Variants in TATDN3 observed in about 807,000 individuals in gnomAD.
TATDN3 encodes TatD DNase domain containing 3, also known as deoxyribonuclease TATDN3.
In TATDN3, 29 loss-of-function variants were observed where a neutral mutation model predicts 40.1. The observed-to-expected ratio is 0.72, with a 90% CI of 0.54 to 0.99. TATDN3 has a LOEUF of 0.99. TATDN3 is among the 50% of genes least tolerant of loss of function. The pLI, the probability that TATDN3 is intolerant of heterozygous loss-of-function variation, is 0.00. For missense variants in TATDN3, 309 were observed against 321.9 expected (o/e 0.96, Z 0.31); for synonymous variants, 105 against 117.0 (o/e 0.90, Z 0.66).
At position 212,816,606 on chromosome 1, in the gene TATDN3, A is replaced by T. The variant is rs1663198900; in HGVS notation, c.*1450A>T. The T allele has an allele frequency of 6.6e-6, 1 of 152,234 alleles. No homozygotes were observed. Among genetic ancestry groups the T allele is most frequent in the Non-Finnish European group, 1.5e-5 (1 of 68,032 alleles). 9.4% of individuals were successfully genotyped at this position (152,234 alleles called of 1,614,324 possible). A position where few individuals can be genotyped will look rare whatever the true frequency, so the allele number is the denominator to read the frequency against. ...AAAAGTACCTGTCATAGAAAAAAATAAACTTCCTAAATCAAAGTGATTTTA... is the reference window on the plus strand; with the variant it reads ...AAAAGTACCTGTCATAGAAAAAAATTAACTTCCTAAATCAAAGTGATTTTA... On this transcript the variant is annotated 3_prime_UTR_variant, in exon 10 of 10. Coordinates refer to ENST00000366974, the MANE Select transcript of TATDN3 (RefSeq NM_001042552.3).
intron 5 of TATDN3, among the ~76,000 whole-genome samples, chr1:212,803,476 G>A (rs1271631472): frequency 6.6e-6 from 1 of 151,984 alleles, no homozygotes; most frequent in South Asian, 2.1e-4. Context: ...GAGCAATCGT[G>A]CCCGGCCAAT....
At chr1:212,802,881 A>T (rs1382211621) in intron 5 of TATDN3, 118 bp downstream of exon 5, 1 of 631,430 alleles carries the variant, frequency 1.6e-6, no homozygotes, top group Non-Finnish European at 2.7e-6. Flanking sequence ...TGTTCACCCC[A>T]CTTAGCCAAA....
At chr1:212,802,024 A>G (rs1251078772) in intron 4 of TATDN3, among the ~76,000 whole-genome samples, 7 of 152,214 alleles carry the variant, frequency 4.6e-5, no homozygotes. Context: ...TTTGCAATGT[A>G]GTCTAAAAGG....
chr1:212,806,781 T>TACACAC (rs1180617292), intron 7 of TATDN3, among the ~76,000 whole-genome samples: 1 of 94,442 alleles, frequency 1.1e-5, no homozygotes, highest in Admixed American at 1.3e-4. Flanking sequence ...TATATATATA[T>TACACAC]ATACACACAC....
Position 212,807,834 on chromosome 1 carries a change from A to C in TATDN3, c.586A>C (p.Ile196Leu), listed in dbSNP as rs746582846. The C allele has an allele frequency of 1.9e-6, 3 of 1,610,670 alleles. No individual in the cohort carries two copies. Among genetic ancestry groups the C allele is most frequent in the Non-Finnish European group, 2.5e-6 (3 of 1,178,318 alleles). ...CTTCTTCTCAATTCCCCCTTCTATC[A>C]TAAGAAGTGGACAGGTAAATTTTTT... ...GYFFSIPPSI[I>L]RSGQKQKLVK... Residue 196 changes from isoleucine to leucine, a missense_variant, in exon 8 of 10, where the codon ATA becomes CTA. Transcript: ENST00000366974.
At chr1:212,814,291 A>G (rs1039768726) in intron 9 of TATDN3, among the ~76,000 whole-genome samples, 5 of 152,184 alleles carry the variant, frequency 3.3e-5, no homozygotes, top group African/African-American at 4.8e-5. Context: ...TTTGGGCTAC[A>G]TTACCAAAGT....
chr1:212,815,010 C>G lies in TATDN3; in HGVS notation c.682-3C>G. Reference sequence around the variant, plus strand: ...TGACATGGTGTCTGCTGTCTTGTTTCAGGTACGGAATGAGCCCTGGAACAT... The same window carrying G: ...TGACATGGTGTCTGCTGTCTTGTTTGAGGTACGGAATGAGCCCTGGAACAT... On this transcript the variant is annotated splice_region_variant and splice_polypyrimidine_tract_variant and intron_variant, in intron 9 of 9. Coordinates refer to ENST00000366974, the MANE Select transcript of TATDN3 (RefSeq NM_001042552.3). 6.2e-7 allele frequency: 1 copy of G among 1,610,984 alleles called. No homozygotes were observed. The highest frequency in any genetic ancestry group is 8.5e-7 in the Non-Finnish European group (1 of 1,178,860).
chr1:212,813,786 C>T (rs1486899841), intron 9 of TATDN3, among the ~76,000 whole-genome samples: 5 of 152,046 alleles, frequency 3.3e-5, no homozygotes, highest in Non-Finnish European at 5.9e-5. Context: ...TCTCAGCTCA[C>T]TGCAACTTCC....
In TATDN3 at chr1:212,796,579, A is replaced by G; in HGVS notation, c.162A>G (p.Gln54=). The G allele has an allele frequency of 2.5e-6, 4 of 1,579,212 alleles. No individual in the cohort carries two copies. The highest frequency in any genetic ancestry group is 3.4e-6 in the Non-Finnish European group (4 of 1,164,724). ...EHSGEFEKIM[Q]LSERYNGFVL... is the part of the protein sequence containing the mutation. Reference sequence around the variant, plus strand: ...CAGGAGAATTTGAAAAGATTATGCAACTTTCAGAAAGGTGCTACTTTTAAT... The same window carrying G: ...CAGGAGAATTTGAAAAGATTATGCAGCTTTCAGAAAGGTGCTACTTTTAAT... Residue 54 remains glutamine (Q), a synonymous_variant, in exon 3 of 10, where the codon CAA becomes CAG. Coordinates refer to ENST00000366974, the MANE Select transcript of TATDN3 (RefSeq NM_001042552.3).
chr1:212,811,275 G>A (rs1287784982), intron 8 of TATDN3, among the ~76,000 whole-genome samples: 1 of 147,568 alleles, frequency 6.8e-6, no homozygotes, highest in African/African-American at 2.7e-5. Context: ...TGGGATTACA[G>A]GCAGCCACCA....
chr1:212,805,949 C>T (rs1418586996), intron 7 of TATDN3, among the ~76,000 whole-genome samples: 2 of 151,906 alleles, frequency 1.3e-5, no homozygotes, highest in Non-Finnish European at 2.9e-5. Flanking sequence ...TACATATAAG[C>T]ACTCATTGGT....
intron 9 of TATDN3, 113 bp from the exon 10 acceptor site, chr1:212,814,900 A>G: frequency 8.1e-7 from 1 of 1,239,112 alleles, no homozygotes; most frequent in Non-Finnish European, 1.1e-6. Context: ...GAAAAAAATT[A>G]AAAAGGAGCC....
At chr1:212,806,783 T>TATATATATATACACAC (rs796710955) in intron 7 of TATDN3, among the ~76,000 whole-genome samples, 1 of 79,522 alleles carries the variant, frequency 1.3e-5, no homozygotes, top group Non-Finnish European at 2.4e-5. Flanking sequence ...TATATATATA[T>TATATATATATACACAC]ACACACACAC....
rs150849558 is a variant in TATDN3, at chr1:212,804,185, A to G, written c.322-135A>G. ...TTTTGTGAATATTTTTAATGTGGCTACTAGAATTAATATTTTTATGTGGCT... is the reference window on the plus strand; with the variant it reads ...TTTTGTGAATATTTTTAATGTGGCTGCTAGAATTAATATTTTTATGTGGCT... On this transcript the variant is annotated intron_variant, in intron 5 of 9. Coordinates refer to ENST00000366974, the MANE Select transcript of TATDN3 (RefSeq NM_001042552.3). 1,022 of 572,736 alleles carry G rather than the reference A, an allele frequency of 1.8e-3. 23 individuals carry two copies. In the Admixed American group the frequency reaches 0.031, roughly 17 times the overall value. 35.5% of individuals were successfully genotyped at this position (572,736 alleles called of 1,614,324 possible). A position where few individuals can be genotyped will look rare whatever the true frequency, so the allele number is the denominator to read the frequency against.
chr1:212,796,998 A>C, intron 3 of TATDN3, 114 bp from the exon 4 acceptor site: 1 of 760,074 alleles, frequency 1.3e-6, no homozygotes, highest in Non-Finnish European at 2.2e-6. Flanking sequence ...AGCCTCCCAA[A>C]GTGCTGGAAT....
intron 8 of TATDN3, 52 bp downstream of exon 8, chr1:212,807,900 C>A (rs763995007): frequency 1.3e-5 from 16 of 1,255,762 alleles, no homozygotes; most frequent in Non-Finnish European, 1.7e-5. Context: ...AAATTTAAAA[C>A]ATGAGCTTTT....
chr1:212,802,487 G>A (rs561756265), intron 4 of TATDN3, among the ~76,000 whole-genome samples: 1 of 152,294 alleles, frequency 6.6e-6, no homozygotes, highest in African/African-American at 2.4e-5. Flanking sequence ...TCATATTCTT[G>A]TAACCCGAAT....
chr1:212,798,249 C>A (rs1467819685), intron 4 of TATDN3, among the ~76,000 whole-genome samples: 5 of 151,772 alleles, frequency 3.3e-5, no homozygotes, highest in Admixed American at 3.3e-4. Flanking sequence ...TCGTTTGAAC[C>A]CAGGAGGCGA....
At chr1:212,793,762 G>C (rs1185963665) in intron 1 of TATDN3, among the ~76,000 whole-genome samples, 1 of 152,204 alleles carries the variant, frequency 6.6e-6, no homozygotes, top group African/African-American at 2.4e-5. Flanking sequence ...GGATGACTCA[G>C]ATTATTAGCT....
Sources: gnomAD v4.1 joint callset for allele counts (sites outside exome capture counted in the v4.1 genomes callset) on GRCh38, gnomAD v4.1.1 for gene constraint, MANE v1.5 for transcripts, NCBI Gene and HGNC (gene_info 2026-07-23, HGNC 2026-07-21) for gene names.